PRR12: variants seen among roughly 807,000 people sequenced by gnomAD.
PRR12 encodes proline-rich protein 12.
Under a neutral mutation model 138.0 loss-of-function variants are expected in PRR12, and 12 were observed. That is an observed-to-expected ratio of 0.09 (90% CI 0.06 to 0.14). PRR12 has a LOEUF of 0.14. Among genes scored for constraint, PRR12 ranks in the 10% least tolerant of loss-of-function variants. The probability of loss-of-function intolerance (pLI) is 1.00; values close to 1 mark genes in which losing one functional copy is unlikely to be tolerated. For missense variants in PRR12, 2,692 were observed against 2,861.3 expected, an observed-to-expected ratio of 0.94 and a Z score of 1.35; for synonymous variants, 1,567 against 1,291.7, an observed-to-expected ratio of 1.21 and a Z score of -4.57.
chr19:49,601,762 G>A lies in PRR12; in HGVS notation c.4617G>A (p.Glu1539=). 1 of 1,590,128 alleles carries A rather than the reference G, an allele frequency of 6.3e-7. No homozygotes were observed. Among genetic ancestry groups the A allele is most frequent in the Non-Finnish European group, 8.5e-7 (1 of 1,170,672 alleles). Residue 1539 remains glutamate, a synonymous_variant, in exon 6 of 14, where the codon GAG becomes GAA. Coordinates refer to ENST00000418929, the MANE Select transcript of PRR12 (RefSeq NM_020719.3). ...EPAAPSPEDP[E]LPDTRPLHLA... ...CCGCCCCGTCTCCCGAAGACCCCGAGCTGCCGGACACCCGGCCCCTGCATC... is the reference window on the plus strand; with the variant it reads ...CCGCCCCGTCTCCCGAAGACCCCGAACTGCCGGACACCCGGCCCCTGCATC...
Position 49,595,063 on chromosome 19 carries a change from C to G in PRR12, c.728C>G (p.Thr243Ser). Residue 243 changes from threonine to serine, a missense_variant, in exon 4 of 14, where the codon ACT becomes AGT. Physicochemically the swap from Thr to Ser is moderately conservative, Grantham distance 58. Around this residue, in one of 11 missense-constraint regions of PRR12, gnomAD observed 523 missense variants for 496.4 expected, o/e 1.05. Transcript: ENST00000418929. ...CCACCACCTCCTCGCCACCTCCCAA[C>G]TCAGTTCAACCTGCTGGCTTCCTCT... The part of the protein sequence containing the change: ...DPPPPPRHLP[T>S]QFNLLASSSA... 6.2e-6 allele frequency: 10 copies of G among 1,611,762 alleles called. No individual in the cohort carries two copies. The highest frequency in any genetic ancestry group is 8.5e-6 in the Non-Finnish European group (10 of 1,179,602).
chr19:49,616,158 CG>C lies in PRR12; in HGVS notation c.5441del (p.Gly1814AlafsTer45). ...AGGCAGGCGGCAACGCTACAGCAGG[CG>C]GGGGCCCACCAGGCAGCTCCTCGGA... ...KEAGGNATAG[G>X]GPPGSSSDSE... On this transcript the variant is annotated frameshift_variant, in exon 9 of 14. Transcript: ENST00000418929. LOFTEE classifies it high-confidence loss of function. The surrounding 1 kb of genome is among the most constrained non-coding windows in gnomAD (Gnocchi z 4.2). 2 of 1,560,644 alleles carry C rather than the reference CG, an allele frequency of 1.3e-6. No homozygotes were observed. The highest frequency in any genetic ancestry group is 8.7e-7 in the Non-Finnish European group (1 of 1,152,868).
chr19:49,625,741 C>A lies in PRR12; in HGVS notation c.*134C>A. The stretch of plus-strand genomic sequence containing the variant: ...ATGGGTCAGGGTGTGTCTGTGCTGC[C>A]CCCTCCAGGGCAGGGTTCAAAGTCC... On this transcript the variant is annotated 3_prime_UTR_variant, in exon 14 of 14. Coordinates refer to ENST00000418929, the MANE Select transcript of PRR12 (RefSeq NM_020719.3). This position sits in a 1 kb window ranked among gnomAD's most constrained non-coding sequence, Gnocchi z 5.5. The A allele has an allele frequency of 1.6e-6, 2 of 1,235,640 alleles. No individual in the cohort carries two copies. The highest frequency in any genetic ancestry group is 2.1e-6 in the Non-Finnish European group (2 of 934,580). The allele number at this position is 1,235,640 out of a possible 1,614,324, so 76.5% of individuals were successfully genotyped here.
In PRR12 at chr19:49,594,677, G is replaced by T. The variant is rs773884492; in HGVS notation, c.362-20G>T. ...ACTGGCTCGCTGTTCTCTCTGACGC[G>T]CGGTCTTCCTCATCTCCAGCCATGC... is the stretch of plus-strand genomic sequence containing the variant. On this transcript the variant is annotated intron_variant, in intron 3 of 13. Coordinates refer to ENST00000418929, the MANE Select transcript of PRR12 (RefSeq NM_020719.3). This position sits in a 1 kb window ranked among gnomAD's most constrained non-coding sequence, Gnocchi z 5.6. The T allele has an allele frequency of 1.9e-6, 3 of 1,610,562 alleles. No homozygotes were observed. The highest frequency in any genetic ancestry group is 2.2e-5 in the East Asian group (1 of 44,862).
intron 11 of PRR12, among the ~76,000 whole-genome samples, chr19:49,623,624 T>C (rs542185036): frequency 6.6e-6 from 1 of 150,386 alleles, no homozygotes; most frequent in Non-Finnish European, 1.5e-5. Flanking sequence ...AGAGCGAGAC[T>C]TTGTCTTAAA....
chr19:49,600,305 G>T (rs1322963247), intron 5 of PRR12, among the ~76,000 whole-genome samples: 1 of 151,908 alleles, frequency 6.6e-6, no homozygotes, highest in Non-Finnish European at 1.5e-5. Context: ...AAAGATGTCT[G>T]GGGGCAGAGA....
At chr19:49,593,567 T>C in intron 2 of PRR12, 128 bp downstream of exon 2, 1 of 583,598 alleles carries the variant, frequency 1.7e-6, no homozygotes, top group South Asian at 2.0e-5. Context: ...CCTTGCTGTG[T>C]CTCCTCTGAT....
In PRR12 at chr19:49,599,990, A is replaced by G. The variant is rs376523993; in HGVS notation, c.4345+52A>G. On this transcript the variant is annotated intron_variant, in intron 5 of 13. Transcript: ENST00000418929. This position sits in a 1 kb window ranked among gnomAD's most constrained non-coding sequence, Gnocchi z 5.0. ...GTAGAGCTTAAAGGTTATTATGATC[A>G]CTAGGTAACAGTTGTGCAGGTTACG... The G allele has an allele frequency of 1.0e-3, 1,551 of 1,482,666 alleles. No homozygotes were observed. Among genetic ancestry groups the G allele is most frequent in the Non-Finnish European group, 1.3e-3 (1,402 of 1,104,956 alleles). 91.8% of individuals were successfully genotyped at this position (1,482,666 alleles called of 1,614,324 possible).
intron 6 of PRR12, among the ~76,000 whole-genome samples, chr19:49,603,334 C>T (rs188429967): frequency 3.0e-4 from 46 of 152,360 alleles, no homozygotes; most frequent in Middle Eastern, 6.8e-3. Context: ...CCATGTCAAT[C>T]ATTGTCATTG....
Position 49,616,344 on chromosome 19 carries a change from A to G in PRR12, c.5497+125A>G. 2 of 821,328 alleles carry G rather than the reference A, an allele frequency of 2.4e-6. No homozygotes were observed. Among genetic ancestry groups the G allele is most frequent in the African/African-American group, 1.9e-5 (1 of 53,350 alleles). The allele number at this position is 821,328 out of a possible 1,614,324, so 50.9% of individuals were successfully genotyped here. ...GAACCAGTATGTTACAGATAATGGC[A>G]GTAGCTCACAGTCACGGGGCATCTC... On this transcript the variant is annotated intron_variant, in intron 9 of 13. Coordinates refer to ENST00000418929, the MANE Select transcript of PRR12 (RefSeq NM_020719.3). This position sits in a 1 kb window ranked among gnomAD's most constrained non-coding sequence, Gnocchi z 4.2.
intron 9 of PRR12, among the ~76,000 whole-genome samples, chr19:49,617,333 T>C (rs1292569152): frequency 1.3e-5 from 2 of 152,130 alleles, no homozygotes; most frequent in African/African-American, 4.8e-5. Flanking sequence ...ATTATCCTCA[T>C]TTTAAAGATG....
chr19:49,621,799 T>G, intron 11 of PRR12, 177 bp downstream of exon 11: 1 of 600,594 alleles, frequency 1.7e-6, no homozygotes, highest in Non-Finnish European at 3.0e-6. Flanking sequence ...TCAACAGCCA[T>G]GAAGCCCATG....
intron 11 of PRR12, among the ~76,000 whole-genome samples, chr19:49,622,403 T>TC (rs2080927603): frequency 6.6e-6 from 1 of 150,678 alleles, no homozygotes; most frequent in South Asian, 2.1e-4. Context: ...TCTCTCAAAA[T>TC]AAAAAAAAGT....
chr19:49,625,596 C>G lies in PRR12; in HGVS notation c.6100C>G (p.Arg2034Gly). 1 of 1,606,716 alleles carries G rather than the reference C, an allele frequency of 6.2e-7. No individual in the cohort carries two copies. The highest frequency in any genetic ancestry group is 8.5e-7 in the Non-Finnish European group (1 of 1,176,618). The change falls in exon 14 of 14, where the codon CGC becomes GGC. Residue 2034 changes from arginine (R) to glycine (G), a missense_variant. By Grantham distance (125) the Arg-to-Gly change is moderately radical. Transcript: ENST00000418929. This position sits in a 1 kb window ranked among gnomAD's most constrained non-coding sequence, Gnocchi z 5.5. Reference protein sequence around the residue: ...DLLAQAQAHSRCG With the variant: ...DLLAQAQAHSGCG The stretch of plus-strand genomic sequence containing the variant: ...GCTGGCCCAAGCACAGGCCCACAGC[C>G]GCTGCGGGTGACCCCGCCCCAGCTT...
In PRR12 at chr19:49,596,082, C is replaced by T. The variant is rs1327470681; in HGVS notation, c.1747C>T (p.Pro583Ser). 1 of 1,601,844 alleles carries T rather than the reference C, an allele frequency of 6.2e-7. No individual in the cohort carries two copies. The highest frequency in any genetic ancestry group is 1.3e-5 in the African/African-American group (1 of 74,942). ...ATGRPPGVGS[P>S]GAPGKYLSSV... ...CGGCCGTCCACCTGGAGTCGGCTCTCCAGGAGCCCCTGGCAAATACCTGAG... is the reference window on the plus strand; with the variant it reads ...CGGCCGTCCACCTGGAGTCGGCTCTTCAGGAGCCCCTGGCAAATACCTGAG... The change falls in exon 4 of 14, where the codon CCA becomes TCA. Residue 583 changes from proline (P) to serine (S), a missense_variant. Physicochemically the swap from Pro to Ser is moderately conservative, Grantham distance 74 (BLOSUM62 -1). This residue lies in a region of PRR12 where 66 missense variants were observed against 102.4 expected (regional missense o/e 0.64). Transcript: ENST00000418929. This position sits in a 1 kb window ranked among gnomAD's most constrained non-coding sequence, Gnocchi z 5.6.
At chr19:49,620,592 T>C in intron 10 of PRR12, 115 bp downstream of exon 10, 1 of 1,426,638 alleles carries the variant, frequency 7.0e-7, no homozygotes, top group Non-Finnish European at 9.5e-7. Context: ...CTCCTGAGTC[T>C]GAGGGAAGAG....
intron 8 of PRR12, 63 bp from the exon 9 acceptor site, chr19:49,615,684 C>A: frequency 1.4e-6 from 2 of 1,391,526 alleles, no homozygotes; most frequent in Non-Finnish European, 2.0e-6. Flanking sequence ...TGAGCAGGGA[C>A]CCTGAGGAGA....
chr19:49,615,787 A>T lies in PRR12; in HGVS notation c.5065A>T (p.Ser1689Cys). Residue 1689 changes from serine (S) to cysteine (C), a missense_variant, in exon 9 of 14, where the codon AGC becomes TGC. Physicochemically the swap from Ser to Cys is moderately radical, Grantham distance 112. Transcript: ENST00000418929. ...CAAGAACCCCGTATCTGCTGGGGGTAGCTCTGCACCTCCCCCTAAGGCCCC... is the reference window on the plus strand; with the variant it reads ...CAAGAACCCCGTATCTGCTGGGGGTTGCTCTGCACCTCCCCCTAAGGCCCC... Reference protein sequence around the residue: ...QAKNPVSAGGSSAPPPKAPAP... With the variant: ...QAKNPVSAGGCSAPPPKAPAP... 6.2e-7 allele frequency: 1 copy of T among 1,612,916 alleles called. No individual in the cohort carries two copies. Among genetic ancestry groups the T allele is most frequent in the Non-Finnish European group, 8.5e-7 (1 of 1,179,496 alleles).
At chr19:49,591,955 T>C (rs2080730945) in intron 1 of PRR12, among the ~76,000 whole-genome samples, 2 of 152,046 alleles carry the variant, frequency 1.3e-5, no homozygotes, top group Non-Finnish European at 2.9e-5. Context: ...AAAGGGAGAA[T>C]TGCAGCGGGA....
Sources: allele counts gnomAD v4.1 joint callset (sites outside exome capture counted in the v4.1 genomes callset), GRCh38; gene constraint gnomAD v4.1.1; regional missense constraint gnomAD v4.1.1; non-coding constraint Gnocchi (gnomAD v3.1); transcripts MANE v1.5; gene names NCBI Gene and HGNC (gene_info 2026-07-23, HGNC 2026-07-21).